The following BCLAF1 variants were observed in gnomAD, a reference collection of about 807,000 sequenced individuals.
BCLAF1 encodes BCL2 associated transcription factor 1.
A neutral mutation model predicts 99.5 loss-of-function variants in BCLAF1; 10 were observed. That is an observed-to-expected ratio of 0.10 (90% CI 0.06 to 0.17). The LOEUF is 0.17. BCLAF1 is among the 10% of genes least tolerant of loss of function. BCLAF1 has a pLI of 1.00. For missense variants in BCLAF1, 636 were observed against 1,105.8 expected, an observed-to-expected ratio of 0.58 and a Z score of 6.02; for synonymous variants, 255 against 370.9, an observed-to-expected ratio of 0.69 and a Z score of 3.59.
At chr6:136,284,126 GTGTGTATA>G (rs1784763100) in intron 1 of BCLAF1, among the ~76,000 whole-genome samples, 1 of 76,162 alleles carries the variant, frequency 1.3e-5, no homozygotes, top group African/African-American at 8.3e-5. Context: ...ATGTGTGTGT[GTGTGTATA>G]TATATATATA....
chr6:136,267,095 A>G lies in BCLAF1; in HGVS notation c.2478T>C (p.Phe826=), dbSNP rs1168193795. ...ATTCCTCTTCCTTCGGTCTCTTTTG[A>G]AAAGTAGTATTTGAGTTGTTTGGAC... ...NTGPNNSNTT[F]QKRPKEEEWD... The change falls in exon 11 of 13, where the codon TTT becomes TTC. Residue 826 remains phenylalanine (F), a synonymous_variant. Transcript: ENST00000531224. The G allele has an allele frequency of 1.2e-6, 2 of 1,613,254 alleles. No homozygotes were observed. Among genetic ancestry groups the G allele is most frequent in the Admixed American group, 1.7e-5 (1 of 59,944 alleles).
At chr6:136,279,145 A>T (rs1784014649) in intron 3 of BCLAF1, among the ~76,000 whole-genome samples, 1 of 152,108 alleles carries the variant, frequency 6.6e-6, no homozygotes. Context: ...TATATAGTTA[A>T]ATGGGGGAAA....
At chr6:136,286,411 T>C (rs528295937) in intron 1 of BCLAF1, among the ~76,000 whole-genome samples, 1 of 152,304 alleles carries the variant, frequency 6.6e-6, no homozygotes, top group East Asian at 1.9e-4. Flanking sequence ...GGTGTTTTTT[T>C]GTTGTTGTTG....
intron 1 of BCLAF1, among the ~76,000 whole-genome samples, chr6:136,284,833 G>T (rs1167352906): frequency 6.7e-6 from 1 of 148,428 alleles, no homozygotes; most frequent in African/African-American, 2.4e-5. Context: ...CCACATTGGA[G>T]GGGGGGGAAA....
chr6:136,268,187 C>G lies in BCLAF1; in HGVS notation c.2372G>C (p.Gly791Ala). ...HEMKEYSGFA[G>A]VSRPRGTFFR... ...AAAGGTTCCTCGTGGTCGGCTAACT[C>G]CTGCAAAGCCTGAGTATTCTTTCAT... is the stretch of plus-strand genomic sequence containing the variant. Residue 791 changes from glycine to alanine, a missense_variant, in exon 10 of 13, where the codon GGA (glycine) becomes GCA (alanine). This residue lies in a region of BCLAF1 where 180 missense variants were observed against 270.0 expected (regional missense o/e 0.67). Coordinates refer to ENST00000531224, the MANE Select transcript of BCLAF1 (RefSeq NM_014739.3). The G allele has an allele frequency of 6.5e-7, 1 of 1,545,056 alleles. No homozygotes were observed. The highest frequency in any genetic ancestry group is 1.2e-5 in the South Asian group (1 of 80,154).
rs1293641459 is a variant in BCLAF1, at chr6:136,256,743, CACCTT to C, written c.*4362_*4366del. ...TGCATTTAACATTCTTTTTCACGGCCACCTTACAAGTATCCTGAGAACTCAACAGA... is the reference window on the plus strand; with the variant it reads ...TGCATTTAACATTCTTTTTCACGGCCACAAGTATCCTGAGAACTCAACAGA... On this transcript the variant is annotated 3_prime_UTR_variant, in exon 13 of 13. Coordinates refer to ENST00000531224, the MANE Select transcript of BCLAF1 (RefSeq NM_014739.3). 2 of 158,648 alleles carry C rather than the reference CACCTT, an allele frequency of 1.3e-5. No homozygotes were observed. The highest frequency in any genetic ancestry group is 6.5e-5 in the Admixed American group (1 of 15,376). The allele number at this position is 158,648 out of a possible 1,614,324, so 9.8% of individuals were successfully genotyped here.
At chr6:136,289,382 G>A (rs1332521529) in intron 1 of BCLAF1, among the ~76,000 whole-genome samples, 4 of 152,082 alleles carry the variant, frequency 2.6e-5, no homozygotes, top group African/African-American at 7.2e-5. Flanking sequence ...GGCGCGCGCA[G>A]AGGTACGGGC....
chr6:136,285,405 T>A (rs1017720110), intron 1 of BCLAF1, among the ~76,000 whole-genome samples: 1 of 152,184 alleles, frequency 6.6e-6, no homozygotes. Context: ...AAACAAAAGA[T>A]GTGTTTGCCG....
intron 1 of BCLAF1, among the ~76,000 whole-genome samples, chr6:136,284,639 T>C (rs1431359691): frequency 1.3e-5 from 2 of 152,204 alleles, no homozygotes; most frequent in Non-Finnish European, 2.9e-5. Context: ...ATTAATCCCA[T>C]CTTTCAAATA....
intron 3 of BCLAF1, 110 bp from the exon 4 acceptor site, chr6:136,278,886 C>T (rs1783961201): frequency 2.6e-6 from 3 of 1,138,636 alleles, no homozygotes; most frequent in Admixed American, 6.4e-5. Context: ...CAAAAATACA[C>T]TTTTTTAAAA....
rs1413865044 is a variant in BCLAF1, at chr6:136,275,693, G to A, written c.1691C>T (p.Ser564Phe). ...VPLDDSNRPA[S>F]LTKDRLLAST... ...AGCAAGCAGCCTGTCTTTAGTCAAG[G>A]AAGCAGGTCTGGAACATATTGATAA... Residue 564 changes from serine to phenylalanine, a missense_variant, in exon 6 of 13, where the codon TCC (serine) becomes TTC (phenylalanine). By Grantham distance (155) the Ser-to-Phe change is radical. Coordinates refer to ENST00000531224, the MANE Select transcript of BCLAF1 (RefSeq NM_014739.3). The A allele has an allele frequency of 6.3e-7, 1 of 1,583,606 alleles. No individual in the cohort carries two copies. The highest frequency in any genetic ancestry group is 8.6e-7 in the Non-Finnish European group (1 of 1,167,818).
At chr6:136,279,647 C>T in intron 3 of BCLAF1, 116 bp downstream of exon 3, 1 of 1,098,708 alleles carries the variant, frequency 9.1e-7, no homozygotes, top group African/African-American at 1.6e-5. Context: ...AGATCCATTT[C>T]ACAGGGTTCT....
At chr6:136,273,018 T>C in intron 7 of BCLAF1, 64 bp downstream of exon 7, 4 of 1,187,418 alleles carry the variant, frequency 3.4e-6, no homozygotes, top group Non-Finnish European at 4.8e-6. Context: ...CAATACAATC[T>C]TGTTTTAACA....
In BCLAF1 at chr6:136,279,758, A is replaced by G. The variant is rs199766506; in HGVS notation, c.104+5T>C. On this transcript the variant is annotated splice_donor_5th_base_variant and intron_variant, in intron 3 of 12. Transcript: ENST00000531224. Reference sequence around the variant, plus strand: ...ATTTTAAAAATTTAAAGCACATTAAATCACCTGTATCGCTTCTTTCTAGAA... The same window carrying G: ...ATTTTAAAAATTTAAAGCACATTAAGTCACCTGTATCGCTTCTTTCTAGAA... 13 of 1,556,496 alleles carry G rather than the reference A, an allele frequency of 8.4e-6. No individual in the cohort carries two copies. The highest frequency in any genetic ancestry group is 1.1e-5 in the Non-Finnish European group (13 of 1,153,970).
Position 136,268,324 on chromosome 6 carries a change from C to T in BCLAF1, c.2235G>A (p.Glu745=). The T allele has an allele frequency of 6.2e-7, 1 of 1,603,034 alleles. No homozygotes were observed. Among genetic ancestry groups the T allele is most frequent in the Non-Finnish European group, 8.5e-7 (1 of 1,176,052 alleles). ...AGGATGAAGATCGAGAATGATCTTG[C>T]TCTCTTTTATGTTTACTGCAAAATA... The part of the protein sequence containing the change: ...SYKDDSKHKR[E]QDHSRSSSSS... The change falls in exon 10 of 13, where the codon GAG becomes GAA. Residue 745 remains glutamate (E), a synonymous_variant. Coordinates refer to ENST00000531224, the MANE Select transcript of BCLAF1 (RefSeq NM_014739.3).
chr6:136,283,830 TTA>T (rs1246703115), intron 1 of BCLAF1, among the ~76,000 whole-genome samples: 1 of 152,008 alleles, frequency 6.6e-6, no homozygotes. Context: ...TCGGAACCTA[TTA>T]AGGGAAACAC....
intron 1 of BCLAF1, among the ~76,000 whole-genome samples, chr6:136,284,130 G>GTGTATGTGTGTGTGTATATATATATA (rs36141174): frequency 8.2e-6 from 1 of 122,120 alleles, no homozygotes; most frequent in Admixed American, 7.9e-5. Flanking sequence ...GTGTGTGTGT[G>GTGTATGTGTGTGTGTATATATATATA]TATATATATA....
intron 3 of BCLAF1, 67 bp from the exon 4 acceptor site, chr6:136,278,843 G>A: frequency 1.5e-6 from 2 of 1,343,724 alleles, no homozygotes; most frequent in African/African-American, 1.5e-5. Context: ...TAAATACTCT[G>A]GTTGAATATA....
intron 11 of BCLAF1, among the ~76,000 whole-genome samples, chr6:136,266,139 G>A (rs1781685306): frequency 6.6e-6 from 1 of 151,732 alleles, no homozygotes; most frequent in African/African-American, 2.4e-5. Flanking sequence ...ACAAAATAGA[G>A]ATCCACTTCA....
Sources: allele counts gnomAD v4.1 joint callset (sites outside exome capture counted in the v4.1 genomes callset), GRCh38; gene constraint gnomAD v4.1.1; regional missense constraint gnomAD v4.1.1; transcripts MANE v1.5; gene names NCBI Gene and HGNC (gene_info 2026-07-23, HGNC 2026-07-21).